Variants in SLC44A5 observed in about 807,000 individuals in gnomAD.
SLC44A5 encodes solute carrier family 44 member 5.
SLC44A5 carries 57 observed loss-of-function variants against 101.8 expected under a neutral mutation model. That is an observed-to-expected ratio of 0.56 (90% CI 0.45 to 0.70). The LOEUF is 0.70. SLC44A5 is among the 30% of genes least tolerant of loss of function. The pLI, the probability that SLC44A5 is intolerant of heterozygous loss-of-function variation, is 0.00. For synonymous variants in SLC44A5, 281 were observed against 290.9 expected (o/e 0.97, Z 0.35); for missense variants, 737 against 853.1 (o/e 0.86, Z 1.70).
the SLC44A5 span, among the ~76,000 whole-genome samples, chr1:75,618,714 T>C: frequency 6.6e-6 from 1 of 152,252 alleles, no homozygotes; most frequent in South Asian, 2.1e-4. Flanking sequence ...ATACTGAATA[T>C]TATAGGCAAT....
rs370394390 is a variant in SLC44A5 at position 75,399,741 on chromosome 1, C to T, written c.14-3120G>A. 8.5e-5 allele frequency among the ~76,000 whole-genome samples: 13 copies of T among 152,182 alleles called. No individual in the cohort carries two copies. The East Asian group carries it at 1.5e-3, about 18-fold the overall frequency. On this transcript the variant is annotated intron_variant, in intron 2 of 23. Transcript: ENST00000370859. ...GTATATCTGGAAGGAAATATAAGAA[C>T]GGTTTTATCAGTGGTGATTAAAATA...
intron 4 of SLC44A5, among the ~76,000 whole-genome samples, chr1:75,331,145 A>C (rs929754025): frequency 6.6e-6 from 1 of 151,944 alleles, no homozygotes; most frequent in Non-Finnish European, 1.5e-5. Flanking sequence ...TCTCATCCAG[A>C]AGCTCAGCTT....
At chr1:75,245,470 C>T (rs184130765) in intron 7 of SLC44A5, among the ~76,000 whole-genome samples, 10 of 152,210 alleles carry the variant, frequency 6.6e-5, no homozygotes, top group African/African-American at 9.6e-5. Context: ...ACTTGACAGA[C>T]ATTTAGACTT....
the SLC44A5 span, among the ~76,000 whole-genome samples, chr1:75,647,859 C>T: frequency 1.3e-5 from 2 of 152,122 alleles, no homozygotes; most frequent in Non-Finnish European, 2.9e-5. Flanking sequence ...TTTACAGGCT[C>T]CTAAGTGGAA....
At chr1:75,481,667 C>G (rs1667866293) in intron 2 of SLC44A5, among the ~76,000 whole-genome samples, 1 of 152,102 alleles carries the variant, frequency 6.6e-6, no homozygotes, top group Non-Finnish European at 1.5e-5. Flanking sequence ...CTCACCATCA[C>G]TGGCCATCAG....
intron 3 of SLC44A5, among the ~76,000 whole-genome samples, chr1:75,396,089 C>G (rs1315001396): frequency 6.6e-6 from 1 of 152,102 alleles, no homozygotes; most frequent in Non-Finnish European, 1.5e-5. Context: ...TTTCCAACTC[C>G]CAGGTCCTAC....
At chr1:75,460,041 TGA>T (rs1666412866) in intron 2 of SLC44A5, among the ~76,000 whole-genome samples, 1 of 152,178 alleles carries the variant, frequency 6.6e-6, no homozygotes, top group Admixed American at 6.5e-5. Flanking sequence ...CAGGTGTTCC[TGA>T]GAGTAAGGGC....
At chr1:75,575,750 G>A (rs1487515163) in intron 1 of SLC44A5, among the ~76,000 whole-genome samples, 1 of 152,136 alleles carries the variant, frequency 6.6e-6, no homozygotes, top group East Asian at 1.9e-4. Context: ...ACCTTGTGTG[G>A]CTAGATTAAT....
chr1:75,220,767 T>A (rs987320752), intron 14 of SLC44A5, among the ~76,000 whole-genome samples: 1 of 152,034 alleles, frequency 6.6e-6, no homozygotes, highest in Non-Finnish European at 1.5e-5. Context: ...AAGATGAAAA[T>A]CTTATCACTC....
chr1:75,529,610 A>G (rs1220427434), intron 2 of SLC44A5, among the ~76,000 whole-genome samples: 3 of 152,174 alleles, frequency 2.0e-5, no homozygotes, highest in African/African-American at 7.2e-5. Flanking sequence ...TCTATTGTGT[A>G]ATGAATCAGT....
At chr1:75,693,555 A>T in the SLC44A5 span, among the ~76,000 whole-genome samples, 2 of 152,206 alleles carry the variant, frequency 1.3e-5, no homozygotes, top group African/African-American at 4.8e-5. Flanking sequence ...AGTCAATTAG[A>T]TAATCTCTAG....
intron 2 of SLC44A5, among the ~76,000 whole-genome samples, chr1:75,464,777 A>G (rs1334930177): frequency 6.6e-6 from 1 of 152,196 alleles, no homozygotes; most frequent in East Asian, 1.9e-4. Context: ...AACTATATGA[A>G]GAGACAAAGG....
At chr1:75,704,254 G>A in the SLC44A5 span, among the ~76,000 whole-genome samples, 1 of 152,092 alleles carries the variant, frequency 6.6e-6, no homozygotes, top group South Asian at 2.1e-4. Flanking sequence ...CAATTGTTAT[G>A]CCCATAGGCT....
At chr1:75,375,118 G>T (rs1046143281) in intron 3 of SLC44A5, among the ~76,000 whole-genome samples, 8 of 152,118 alleles carry the variant, frequency 5.3e-5, no homozygotes, top group Non-Finnish European at 1.0e-4. Flanking sequence ...CTCAAAAAAT[G>T]ATCCAAGTAT....
intron 12 of SLC44A5, among the ~76,000 whole-genome samples, chr1:75,233,403 G>A (rs1420705069): frequency 6.6e-6 from 1 of 151,644 alleles, no homozygotes; most frequent in Non-Finnish European, 1.5e-5. Flanking sequence ...CTACGTCCAC[G>A]TGTACTCATT....
intron 1 of SLC44A5, among the ~76,000 whole-genome samples, chr1:75,561,716 A>T (rs1352579623): frequency 6.6e-6 from 1 of 152,190 alleles, no homozygotes; most frequent in Non-Finnish European, 1.5e-5. Context: ...CTGTTTGCAG[A>T]ATAAGAGTTG....
intron 6 of SLC44A5, among the ~76,000 whole-genome samples, chr1:75,258,664 G>T (rs945861835): frequency 5.9e-5 from 9 of 152,120 alleles, no homozygotes; most frequent in African/African-American, 2.2e-4. Context: ...CCAGCACAGC[G>T]TTTGAGCTCC....
At chr1:75,542,482 A>T (rs546745209) in intron 1 of SLC44A5, among the ~76,000 whole-genome samples, 78 of 152,042 alleles carry the variant, frequency 5.1e-4, no homozygotes, top group African/African-American at 1.7e-3. Flanking sequence ...TGAGATTGTG[A>T]TTTTTTCTAT....
chr1:75,582,442 C>T (rs1673749538), intron 1 of SLC44A5: 1 of 658,922 alleles, frequency 1.5e-6, no homozygotes, highest in African/African-American at 1.8e-5. Context: ...CCAAAGGGCT[C>T]AGGCTGTGTG....
Sources: gnomAD v4.1 joint callset for allele counts (sites outside exome capture counted in the v4.1 genomes callset) on GRCh38, gnomAD v4.1.1 for gene constraint, MANE v1.5 for transcripts, NCBI Gene and HGNC (gene_info 2026-07-23, HGNC 2026-07-21) for gene names.